The following CACNA2D4 variants were observed in gnomAD, a reference collection of about 807,000 sequenced individuals.
CACNA2D4 encodes the protein voltage-dependent calcium channel subunit alpha-2/delta-4.
A neutral mutation model predicts 163.8 loss-of-function variants in CACNA2D4; 157 were observed. That is an observed-to-expected ratio of 0.96 (90% CI 0.84 to 1.09). The LOEUF (loss-of-function observed/expected upper bound fraction) is 1.09. CACNA2D4 is among the 50% of genes least tolerant of loss of function. CACNA2D4 has a pLI of 0.00. For synonymous variants in CACNA2D4, 598 were observed against 586.9 expected, an observed-to-expected ratio of 1.02 and a Z score of -0.27; for missense variants, 1,410 against 1,479.9, an observed-to-expected ratio of 0.95 and a Z score of 0.78.
At chr12:1,797,646 C>T (rs540070121) in intron 34 of CACNA2D4, 111 bp from the exon 35 acceptor site, 2 of 821,694 alleles carry the variant, frequency 2.4e-6, no homozygotes, top group African/African-American at 1.7e-5. Context: ...CAGAGGGTCC[C>T]TCCTCAGGCA....
Position 1,833,417 on chromosome 12 carries a change from GC to G in CACNA2D4, c.2551+7321del, listed in dbSNP as rs375996802. Among the ~76,000 whole-genome samples, 790 of 152,206 alleles carry G rather than the reference GC, an allele frequency of 5.2e-3. 5 individuals are homozygous for G. Among genetic ancestry groups the G allele is most frequent in the Middle Eastern group, 0.01 (3 of 294 alleles). ...CTCAACCACCTTCTCTCTCACCCCA[GC>G]CCTGTCCTGCATCTGTGTCTCCCTC... On this transcript the variant is annotated intron_variant, in intron 26 of 37. Coordinates refer to ENST00000382722, the MANE Select transcript of CACNA2D4 (RefSeq NM_172364.5). This position sits in a 1 kb window ranked among gnomAD's most constrained non-coding sequence, Gnocchi z 4.2.
chr12:1,844,430 G>GACGA lies in CACNA2D4; in HGVS notation c.2438_2441dup (p.Phe815ArgfsTer15). The GACGA allele has an allele frequency of 6.2e-7, 1 of 1,613,716 alleles. No individual in the cohort carries two copies. The highest frequency in any genetic ancestry group is 8.5e-7 in the Non-Finnish European group (1 of 1,179,808). ...GTCCTTCTGCCCAGCGGAGGTTGAAGACGAAGCTGCCAGCAGGATGCTCTG... is the reference window on the plus strand; with the variant it reads ...GTCCTTCTGCCCAGCGGAGGTTGAAGACGAACGAAGCTGCCAGCAGGATGCTCTG... On this transcript the variant is annotated frameshift_variant, in exon 25 of 38. Transcript: ENST00000382722. LOFTEE classifies it high-confidence loss of function. The surrounding 1 kb of genome is among the most constrained non-coding windows in gnomAD (Gnocchi z 4.2).
In CACNA2D4 at chr12:1,917,312, A is replaced by G. The variant is rs569512533; in HGVS notation, c.227+935T>C. 1.3e-5 allele frequency among the ~76,000 whole-genome samples: 2 copies of G among 152,348 alleles called. No individual in the cohort carries two copies. Among genetic ancestry groups the G allele is most frequent in the African/African-American group, 4.8e-5 (2 of 41,588 alleles). On this transcript the variant is annotated intron_variant, in intron 1 of 37. Coordinates refer to ENST00000382722, the MANE Select transcript of CACNA2D4 (RefSeq NM_172364.5). This position sits in a 1 kb window ranked among gnomAD's most constrained non-coding sequence, Gnocchi z 4.3. ...TGCCAGGCAGGGAACAAGGAGAGCT[A>G]TGCGGCTCGATGGGAAACGATGCTG... is the stretch of plus-strand genomic sequence containing the variant.
At chr12:1,853,381 A>G (rs1488755052) in intron 23 of CACNA2D4, among the ~76,000 whole-genome samples, 1 of 152,134 alleles carries the variant, frequency 6.6e-6, no homozygotes, top group Admixed American at 6.6e-5. Flanking sequence ...CTAGTATCTA[A>G]TTATGTGCTT....
intron 18 of CACNA2D4, among the ~76,000 whole-genome samples, chr12:1,862,820 C>G (rs1007228659): frequency 6.6e-6 from 1 of 152,138 alleles, no homozygotes; most frequent in Non-Finnish European, 1.5e-5. Flanking sequence ...TTTTATTTGG[C>G]TTTAGTCTTT....
chr12:1,807,329 G>C (rs953307936), intron 29 of CACNA2D4, among the ~76,000 whole-genome samples: 2 of 151,452 alleles, frequency 1.3e-5, no homozygotes, highest in African/African-American at 4.9e-5. Context: ...GACATGACAT[G>C]ACAGCAGCCC....
At chr12:1,818,234 G>A (rs981069078) in intron 26 of CACNA2D4, among the ~76,000 whole-genome samples, 1 of 151,646 alleles carries the variant, frequency 6.6e-6, no homozygotes, top group Non-Finnish European at 1.5e-5. Flanking sequence ...GAAGTGAGGA[G>A]CCCCTCTGCC....
intron 19 of CACNA2D4, among the ~76,000 whole-genome samples, chr12:1,859,375 A>C (rs1865473823): frequency 6.6e-6 from 1 of 152,142 alleles, no homozygotes; most frequent in Non-Finnish European, 1.5e-5. Context: ...CTGGTTTTGG[A>C]TGAAGCCTGG....
Position 1,795,329 on chromosome 12 carries a change from T to A in CACNA2D4, c.3279A>T (p.Arg1093=). 6.2e-7 allele frequency: 1 copy of A among 1,612,916 alleles called. No homozygotes were observed. The highest frequency in any genetic ancestry group is 1.1e-5 in the South Asian group (1 of 91,018). ...GATGGAAGGCGTGGCAGGAGTCTGG[T>A]CGCCGGCGGAGCTTCTGGGAGCGCA... ...DRMRSQKLRR[R]PDSCHAFHPE... Residue 1093 remains arginine, a synonymous_variant, in exon 37 of 38, where the codon CGA becomes CGT. Transcript: ENST00000382722.
intron 26 of CACNA2D4, among the ~76,000 whole-genome samples, chr12:1,837,464 A>C (rs954059620): frequency 6.6e-6 from 1 of 152,128 alleles, no homozygotes; most frequent in African/African-American, 2.4e-5. Flanking sequence ...GAGGAAGAGC[A>C]TGAGACTCTG....
chr12:1,879,519 C>T (rs740457), intron 14 of CACNA2D4, among the ~76,000 whole-genome samples: 77,732 of 152,044 alleles, frequency 0.51, 21,746 homozygotes, highest in Non-Finnish European at 0.62. Context: ...ACGGGAAACC[C>T]TCCGGTCTTA....
At chr12:1,855,432 C>T (rs1865378866) in intron 22 of CACNA2D4, among the ~76,000 whole-genome samples, 1 of 152,144 alleles carries the variant, frequency 6.6e-6, no homozygotes, top group African/African-American at 2.4e-5. Context: ...AATGAGCTCA[C>T]CACTCGCATT....
At chr12:1,845,085 G>A (rs376864911) in intron 24 of CACNA2D4, among the ~76,000 whole-genome samples, 1 of 152,042 alleles carries the variant, frequency 6.6e-6, no homozygotes, top group Non-Finnish European at 1.5e-5. Flanking sequence ...GAAGCAGGGT[G>A]GGGGTGGGGA....
chr12:1,858,432 G>T, intron 20 of CACNA2D4, 145 bp downstream of exon 20: 1 of 669,252 alleles, frequency 1.5e-6, no homozygotes, highest in Non-Finnish European at 2.7e-6. Context: ...TCTCCACCTG[G>T]CAGCATTGTT....
intron 6 of CACNA2D4, among the ~76,000 whole-genome samples, chr12:1,898,277 G>T (rs1866451045): frequency 6.6e-6 from 1 of 152,106 alleles, no homozygotes; most frequent in Admixed American, 6.5e-5. Flanking sequence ...ACAGTCAACA[G>T]AGTGAAAAGG....
chr12:1,829,105 G>A lies in CACNA2D4; in HGVS notation c.2551+11634C>T, dbSNP rs746475503. On this transcript the variant is annotated intron_variant, in intron 26 of 37. Coordinates refer to ENST00000382722, the MANE Select transcript of CACNA2D4 (RefSeq NM_172364.5). This position sits in a 1 kb window ranked among gnomAD's most constrained non-coding sequence, Gnocchi z 4.2. ...TCATTCTAGAATCACTCAACACCTC[G>A]CAATACGGGCTTATGTTTTCTTGTC... is the stretch of plus-strand genomic sequence containing the variant. Among the ~76,000 whole-genome samples the A allele has an allele frequency of 7.4e-4, 112 of 152,268 alleles. No individual in the cohort carries two copies. The highest frequency in any genetic ancestry group is 1.9e-3 in the South Asian group (9 of 4,820).
rs1211728204 is a variant in CACNA2D4, at chr12:1,878,889, C to T, written c.1644+67G>A. 1.4e-6 allele frequency: 2 copies of T among 1,441,250 alleles called. No homozygotes were observed. The highest frequency in any genetic ancestry group is 1.4e-5 in the African/African-American group (1 of 71,158). The allele number at this position is 1,441,250 out of a possible 1,614,324, so 89.3% of individuals were successfully genotyped here. ...CTTGGCTTGCCTGGAGAGAGGCTCC[C>T]ATCACGGGGGAGGGAGTTTGCTCCT... On this transcript the variant is annotated intron_variant, in intron 15 of 37. Transcript: ENST00000382722. This position sits in a 1 kb window ranked among gnomAD's most constrained non-coding sequence, Gnocchi z 4.6.
At chr12:1,810,729 C>T in intron 27 of CACNA2D4, 142 bp from the exon 28 acceptor site, 1 of 821,028 alleles carries the variant, frequency 1.2e-6, no homozygotes, top group Non-Finnish European at 2.0e-6. Flanking sequence ...TGGAGGGCAC[C>T]TGTGTGGGGT....
At chr12:1,831,880 G>A (rs1030628917) in intron 26 of CACNA2D4, among the ~76,000 whole-genome samples, 14 of 152,090 alleles carry the variant, frequency 9.2e-5, no homozygotes, top group South Asian at 2.1e-4. Context: ...TTTGTATCCC[G>A]CCAAGTTTGC....
Sources: allele counts gnomAD v4.1 joint callset (sites outside exome capture counted in the v4.1 genomes callset), GRCh38; gene constraint gnomAD v4.1.1; non-coding constraint Gnocchi (gnomAD v3.1); transcripts MANE v1.5; gene names NCBI Gene and HGNC (gene_info 2026-07-23, HGNC 2026-07-21).